The following SI variants were observed in gnomAD, a reference collection of about 807,000 sequenced individuals.
SI encodes sucrase-isomaltase.
In SI, 235 loss-of-function variants were observed where a neutral mutation model predicts 253.3. The observed-to-expected ratio is 0.93, with a 90% CI of 0.83 to 1.03. The LOEUF (loss-of-function observed/expected upper bound fraction) is 1.03, where lower values mean the gene tolerates loss of function less well. Among genes scored for constraint, SI ranks in the 50% least tolerant of loss-of-function variants. The pLI is 0.00. For missense variants in SI, 2,442 were observed against 2,211.1 expected (o/e 1.10, Z -2.09); for synonymous variants, 819 against 712.0 (o/e 1.15, Z -2.39).
At chr3:165,067,575 C>A in intron 5 of SI, 84 bp from the exon 6 acceptor site, 1 of 1,212,422 alleles carries the variant, frequency 8.2e-7, no homozygotes, top group Non-Finnish European at 1.2e-6. Flanking sequence ...ATGCAAGTTC[C>A]AAATAAAAAA....
intron 34 of SI, among the ~76,000 whole-genome samples, chr3:165,010,339 T>G (rs1273953811): frequency 1.3e-5 from 2 of 152,066 alleles, no homozygotes; most frequent in African/African-American, 4.8e-5. Context: ...TTTTGTATTT[T>G]TAGTAGAGAC....
At chr3:164,999,145 G>C (rs187008811) in intron 37 of SI, among the ~76,000 whole-genome samples, 34 of 151,828 alleles carry the variant, frequency 2.2e-4, no homozygotes, top group South Asian at 1.0e-3. Flanking sequence ...AATTTGAAGA[G>C]AGCAAAGTAT....
intron 45 of SI, 86 bp from the exon 46 acceptor site, chr3:164,983,137 C>T (rs867602140): frequency 1.2e-4 from 157 of 1,319,666 alleles, no homozygotes; most frequent in Middle Eastern, 8.2e-4. Context: ...TTCTCTTTCC[C>T]AGTATAAAAA....
chr3:165,060,439 T>C (rs963418535), intron 9 of SI, among the ~76,000 whole-genome samples: 2 of 151,974 alleles, frequency 1.3e-5, no homozygotes, highest in African/African-American at 4.8e-5. Flanking sequence ...AGAAAAGATG[T>C]TTAAAAGTAC....
chr3:165,033,633 A>T (rs1712364671), intron 22 of SI, among the ~76,000 whole-genome samples, 189 bp from the exon 23 acceptor site: 1 of 151,596 alleles, frequency 6.6e-6, no homozygotes, highest in Admixed American at 6.6e-5. Context: ...TTTCATTTTC[A>T]CAGCAAGTAG....
Position 165,036,450 on chromosome 3 carries a change from G to C in SI, c.2454C>G (p.Val818=). The stretch of plus-strand genomic sequence containing the variant: ...TGGCTGTGTTGTTTTCACCTAATGC[G>C]ACTATAAGTCCTAGAGGATTCTTAC... ...ASRKNPLGLI[V]ALGENNTAKG... is the part of the protein sequence containing the mutation. Residue 818 remains valine (V), a synonymous_variant, in exon 22 of 48, where the codon GTC becomes GTG. Transcript: ENST00000264382. The C allele has an allele frequency of 1.2e-6, 2 of 1,610,996 alleles. No individual in the cohort carries two copies. The highest frequency in any genetic ancestry group is 8.5e-7 in the Non-Finnish European group (1 of 1,178,030).
chr3:165,052,548 C>T (rs974135654), intron 13 of SI, among the ~76,000 whole-genome samples: 5 of 151,988 alleles, frequency 3.3e-5, no homozygotes, highest in African/African-American at 7.2e-5. Context: ...CCCAGCTCCT[C>T]GGGAGGCTGA....
rs1051359555 is a variant in SI at position 165,020,887 on chromosome 3, A to T, written c.3254+342T>A. Among the ~76,000 whole-genome samples the T allele has an allele frequency of 5.9e-5, 9 of 151,652 alleles. No homozygotes were observed. The South Asian group carries it at 1.9e-3, about 31-fold the overall frequency. On this transcript the variant is annotated intron_variant, in intron 27 of 47. Transcript: ENST00000264382. ...ACTATTTCAACAGTTTCAATAAAAT[A>T]TTTACTTCACTTGTTTCCAAATACT...
rs766154663 is a variant in SI at position 165,032,683 on chromosome 3, C to A, written c.2575G>T (p.Asp859Tyr). 2 of 1,591,786 alleles carry A rather than the reference C, an allele frequency of 1.3e-6. No homozygotes were observed. The highest frequency in any genetic ancestry group is 2.3e-5 in the East Asian group (1 of 44,412). Residue 859 changes from aspartate (D) to tyrosine (Y), a missense_variant, in exon 24 of 48, where the codon GAT becomes TAT. Coordinates refer to ENST00000264382, the MANE Select transcript of SI (RefSeq NM_001041.4). ...TATGATGAATGTGTGCACACAATAT[C>A]TAATGTGTTCTGAGAAAAATAGTAT... ...YTFSVSNNTL[D>Y]IVCTHSSYQE...
At chr3:165,049,307 C>T (rs1713309962) in intron 14 of SI, 63 bp from the exon 15 acceptor site, 1 of 936,126 alleles carries the variant, frequency 1.1e-6, no homozygotes, top group South Asian at 1.4e-5. Flanking sequence ...ATATATTTTC[C>T]ATCATAAATG....
chr3:165,065,884 C>CA (rs1195684211), intron 6 of SI, among the ~76,000 whole-genome samples: 1 of 151,660 alleles, frequency 6.6e-6, no homozygotes, highest in Admixed American at 6.6e-5. Flanking sequence ...ATTTTTCCCC[C>CA]AAAAAGTTTT....
intron 34 of SI, among the ~76,000 whole-genome samples, chr3:165,011,037 T>C (rs1334139280): frequency 6.6e-6 from 1 of 152,190 alleles, no homozygotes; most frequent in Admixed American, 6.6e-5. Context: ...AATTTAATGA[T>C]TGTAAATTCA....
At chr3:165,055,534 T>C (rs1024190456) in intron 12 of SI, among the ~76,000 whole-genome samples, 2 of 151,902 alleles carry the variant, frequency 1.3e-5, no homozygotes, top group Non-Finnish European at 2.9e-5. Flanking sequence ...AGAAAAAAAT[T>C]ATCAGAACAT....
rs764267436 is a variant in SI at position 165,032,676 on chromosome 3, A to G, written c.2582T>C (p.Val861Ala). ...FSVSNNTLDI[V>A]CTHSSYQEGT... ...TTCCTGATATGATGAATGTGTGCAC[A>G]CAATATCTAATGTGTTCTGAGAAAA... Residue 861 changes from valine (V) to alanine (A), a missense_variant, in exon 24 of 48, where the codon GTG becomes GCG. Physicochemically the swap from Val to Ala is moderately conservative, Grantham distance 64. Coordinates refer to ENST00000264382, the MANE Select transcript of SI (RefSeq NM_001041.4). 3 of 1,602,132 alleles carry G rather than the reference A, an allele frequency of 1.9e-6. No homozygotes were observed. The highest frequency in any genetic ancestry group is 4.5e-5 in the East Asian group (2 of 44,502).
At chr3:164,998,205 T>A (rs1478736220) in intron 38 of SI, among the ~76,000 whole-genome samples, 1 of 151,856 alleles carries the variant, frequency 6.6e-6, no homozygotes, top group African/African-American at 2.4e-5. Flanking sequence ...TTTTGACTTT[T>A]TAATAATAGC....
intron 40 of SI, 97 bp from the exon 41 acceptor site, chr3:164,994,502 TATTA>T (rs1717921583): frequency 8.8e-6 from 11 of 1,254,520 alleles, no homozygotes; most frequent in Non-Finnish European, 1.3e-5. Flanking sequence ...TAAGACATGA[TATTA>T]ATTGATTGTC....
At chr3:165,058,689 C>T (rs1164622228) in intron 12 of SI, among the ~76,000 whole-genome samples, 3 of 151,870 alleles carry the variant, frequency 2.0e-5, no homozygotes, top group Non-Finnish European at 4.4e-5. Flanking sequence ...TGCATAAATT[C>T]TTAAACACAT....
intron 18 of SI, among the ~76,000 whole-genome samples, chr3:165,040,548 C>A (rs989594760): frequency 1.3e-5 from 2 of 151,974 alleles, no homozygotes; most frequent in African/African-American, 4.8e-5. Flanking sequence ...AGGCCCTGCT[C>A]TGGTCAAAGA....
At chr3:165,004,548 C>G (rs376392375) in intron 37 of SI, among the ~76,000 whole-genome samples, 1 of 152,138 alleles carries the variant, frequency 6.6e-6, no homozygotes, top group East Asian at 1.9e-4. Context: ...CTTTAGTGTC[C>G]ATCAACAGAT....
Sources: gnomAD v4.1 joint callset for allele counts (sites outside exome capture counted in the v4.1 genomes callset) on GRCh38, gnomAD v4.1.1 for gene constraint, MANE v1.5 for transcripts, NCBI Gene and HGNC (gene_info 2026-07-23, HGNC 2026-07-21) for gene names.